The following PATJ variants were observed in gnomAD, a reference collection of about 807,000 sequenced individuals.
PATJ encodes the protein inaD-like protein.
PATJ carries 190 observed loss-of-function variants against 224.9 expected under a neutral mutation model. The ratio of observed to expected loss-of-function variants is 0.84; its 90% confidence interval spans 0.75 to 0.95. The LOEUF (loss-of-function observed/expected upper bound fraction) is 0.95, where lower values mean the gene tolerates loss of function less well. Ranked by LOEUF, PATJ falls within the 40% of genes least tolerant of loss-of-function variation. The pLI, the probability that PATJ is intolerant of heterozygous loss-of-function variation, is 0.00. For synonymous variants in PATJ, 769 were observed against 820.3 expected, an observed-to-expected ratio of 0.94 and a Z score of 1.07; for missense variants, 2,121 against 2,270.3, an observed-to-expected ratio of 0.93 and a Z score of 1.34.
chr1:61,910,662 T>G (rs1249489956), intron 25 of PATJ, among the ~76,000 whole-genome samples: 1 of 147,206 alleles, frequency 6.8e-6, no homozygotes, highest in Non-Finnish European at 1.5e-5. Flanking sequence ...TCTTCCCAGT[T>G]CAGCCTCCCA....
intron 27 of PATJ, among the ~76,000 whole-genome samples, chr1:61,976,722 T>C (rs939815186): frequency 1.3e-5 from 2 of 152,020 alleles, no homozygotes; most frequent in Non-Finnish European, 2.9e-5. Flanking sequence ...TTTGTTTTTT[T>C]AGTTGTGAAA....
At chr1:62,083,381 C>A (rs1446673035) in intron 32 of PATJ, among the ~76,000 whole-genome samples, 1 of 152,230 alleles carries the variant, frequency 6.6e-6, no homozygotes, top group East Asian at 1.9e-4. Flanking sequence ...CTCAGGTGAT[C>A]AGCCTCACAA....
intron 14 of PATJ, among the ~76,000 whole-genome samples, chr1:61,819,285 A>G (rs1434083202): frequency 1.3e-5 from 2 of 152,156 alleles, no homozygotes. Flanking sequence ...TGTTTTTCAC[A>G]CAACGGTCAC....
chr1:61,797,195 G>T, intron 10 of PATJ, 92 bp from the exon 11 acceptor site: 1 of 1,377,082 alleles, frequency 7.3e-7, no homozygotes, highest in South Asian at 1.3e-5. Flanking sequence ...TTTTTGGAAT[G>T]AAAGAAATTG....
At chr1:61,923,813 T>G (rs539129031) in intron 26 of PATJ, among the ~76,000 whole-genome samples, 1 of 151,352 alleles carries the variant, frequency 6.6e-6, no homozygotes, top group African/African-American at 2.4e-5. Flanking sequence ...TTCCAGCTAC[T>G]TGGGAGGCTG....
At chr1:61,743,112 C>G (rs1349053634) in intron 1 of PATJ, among the ~76,000 whole-genome samples, 1 of 152,172 alleles carries the variant, frequency 6.6e-6, no homozygotes, top group Non-Finnish European at 1.5e-5. Context: ...CGACTTGGGC[C>G]CGGCCGCGTC....
chr1:61,906,423 T>C (rs1671867200), intron 24 of PATJ, among the ~76,000 whole-genome samples: 1 of 152,136 alleles, frequency 6.6e-6, no homozygotes, highest in Non-Finnish European at 1.5e-5. Context: ...ATCCAGGGGA[T>C]CTACCCCAAG....
chr1:62,123,930 G>A (rs1014570044), intron 39 of PATJ, among the ~76,000 whole-genome samples: 4 of 151,948 alleles, frequency 2.6e-5, no homozygotes, highest in African/African-American at 9.7e-5. Context: ...AAACTTGGGG[G>A]TCAAAAGCCA....
chr1:61,888,062 A>T (rs1448005743), intron 22 of PATJ, among the ~76,000 whole-genome samples: 1 of 152,184 alleles, frequency 6.6e-6, no homozygotes, highest in East Asian at 1.9e-4. Context: ...AGGAAGAGAT[A>T]CAGAAAGGCC....
intron 1 of PATJ, among the ~76,000 whole-genome samples, chr1:61,745,242 G>C (rs1295478089): frequency 6.6e-6 from 1 of 152,130 alleles, no homozygotes; most frequent in Non-Finnish European, 1.5e-5. Flanking sequence ...CCTACAATCA[G>C]ACAAGGGAGA....
chr1:61,795,516 G>T lies in PATJ; in HGVS notation c.1218G>T (p.Ala406=). The T allele has an allele frequency of 1.2e-6, 2 of 1,610,556 alleles. No homozygotes were observed. Among genetic ancestry groups the T allele is most frequent in the East Asian group, 2.2e-5 (1 of 44,776 alleles). The change falls in exon 10 of 44, where the codon GCG becomes GCT. Residue 406 remains alanine, a synonymous_variant. Transcript: ENST00000642238. The stretch of plus-strand genomic sequence containing the variant: ...AAAGTATAATACCTGGCAGTGCTGC[G>T]TACCACAATGGCCACATTCAAGTGA... The part of the protein sequence containing the change: ...YVKSIIPGSA[A]YHNGHIQVND...
At chr1:61,992,195 G>A (rs1015659613) in intron 28 of PATJ, among the ~76,000 whole-genome samples, 1 of 148,872 alleles carries the variant, frequency 6.7e-6, no homozygotes, top group African/African-American at 2.5e-5. Context: ...TCGGTTCACT[G>A]CAACCTCTGC....
chr1:61,763,715 A>G (rs1004245812), intron 3 of PATJ, among the ~76,000 whole-genome samples: 6 of 152,106 alleles, frequency 3.9e-5, no homozygotes, highest in African/African-American at 1.2e-4. Context: ...GCGGGAGTGC[A>G]GTGCTGTGAT....
intron 20 of PATJ, among the ~76,000 whole-genome samples, chr1:61,871,551 ATATATATTTT>A (rs1429787536): frequency 1.0e-4 from 2 of 19,654 alleles, no homozygotes; most frequent in Admixed American, 1.3e-3. Flanking sequence ...ATATATATAT[ATATATATTTT>A]TTTTTTTTTT....
chr1:62,113,949 A>C (rs1664154219), intron 34 of PATJ, 104 bp from the exon 35 acceptor site: 1 of 1,184,808 alleles, frequency 8.4e-7, no homozygotes, highest in African/African-American at 1.6e-5. Context: ...ATTGGCTGGA[A>C]ATTTCTAGAG....
intron 1 of PATJ, among the ~76,000 whole-genome samples, chr1:61,761,205 G>A (rs1645951529): frequency 6.6e-6 from 1 of 152,024 alleles, no homozygotes; most frequent in Non-Finnish European, 1.5e-5. Context: ...TCAAACTCCT[G>A]GATTCAAGTG....
intron 41 of PATJ, among the ~76,000 whole-genome samples, chr1:62,138,200 A>G (rs1667151229): frequency 6.6e-6 from 1 of 152,172 alleles, no homozygotes; most frequent in South Asian, 2.1e-4. Flanking sequence ...AGTAACTTTA[A>G]TGGTGATGCA....
chr1:62,133,120 T>C lies in PATJ; in HGVS notation c.5271+4175T>C, dbSNP rs757936327. Among the ~76,000 whole-genome samples the C allele has an allele frequency of 8.0e-5, 12 of 150,086 alleles. No individual in the cohort carries two copies. The South Asian group carries it at 8.3e-4, about 10-fold the overall frequency. On this transcript the variant is annotated intron_variant, in intron 41 of 43. Transcript: ENST00000642238. ...AGTAGGGAGTCAGTGGACACCAAGA[T>C]AGTACATTTCAAAATAGGCATATAA...
At chr1:62,040,244 G>A (rs776860149) in intron 30 of PATJ, among the ~76,000 whole-genome samples, 1 of 151,814 alleles carries the variant, frequency 6.6e-6, no homozygotes, top group Non-Finnish European at 1.5e-5. Flanking sequence ...GAGTAGCTGG[G>A]ATTACAGGCG....
Sources: gnomAD v4.1 joint callset for allele counts (sites outside exome capture counted in the v4.1 genomes callset) on GRCh38, gnomAD v4.1.1 for gene constraint, MANE v1.5 for transcripts, NCBI Gene and HGNC (gene_info 2026-07-23, HGNC 2026-07-21) for gene names.